Variants in DHX9 observed in about 807,000 individuals in gnomAD.
The protein encoded by DHX9 is DExH-box helicase 9.
A neutral mutation model predicts 148.7 loss-of-function variants in DHX9; 27 were observed. The ratio of observed to expected loss-of-function variants is 0.18; its 90% confidence interval spans 0.13 to 0.25. DHX9 has a LOEUF of 0.25. DHX9 is among the 10% of genes least tolerant of loss of function. The probability of loss-of-function intolerance (pLI) is 1.00; values close to 1 mark genes in which losing one functional copy is unlikely to be tolerated. For missense variants in DHX9, 796 were observed against 1,559.6 expected (o/e 0.51, Z 8.25); for synonymous variants, 529 against 516.6 (o/e 1.02, Z -0.33).
At chr1:182,857,532 A>G (rs1227944016) in intron 7 of DHX9, among the ~76,000 whole-genome samples, 1 of 152,108 alleles carries the variant, frequency 6.6e-6, no homozygotes, top group Non-Finnish European at 1.5e-5. Flanking sequence ...TGTTATTCTC[A>G]TTTTATTTTT....
chr1:182,839,727 T>TTCC (rs901722953), intron 1 of DHX9: 3 of 150,630 alleles, frequency 2.0e-5, no homozygotes, highest in Admixed American at 6.6e-5. Context: ...CAAAGCGCGC[T>TTCC]TCCTCCTCTG....
intron 21 of DHX9, among the ~76,000 whole-genome samples, chr1:182,879,970 C>A (rs1335428043): frequency 6.6e-6 from 1 of 152,162 alleles, no homozygotes; most frequent in South Asian, 2.1e-4. Flanking sequence ...GTGATCCACT[C>A]ACCTCAGCCT....
intron 1 of DHX9, among the ~76,000 whole-genome samples, chr1:182,840,327 GTC>G (rs917294705): frequency 5.4e-5 from 7 of 128,454 alleles, no homozygotes; most frequent in African/African-American, 2.0e-4. Flanking sequence ...TTTTGCAAGA[GTC>G]TCGCTCTGTC....
rs1667950968 is a variant in DHX9 at position 182,842,506 on chromosome 1, A to G, written c.-22-39A>G. On this transcript the variant is annotated intron_variant, in intron 1 of 27. Coordinates refer to ENST00000367549, the MANE Select transcript of DHX9 (RefSeq NM_001357.5). ...TAATTGGTTCCTCCCAGTTTTTGCT[A>G]TTATAAATGCTGTTTTTAACTGACT... 13 of 1,233,770 alleles carry G rather than the reference A, an allele frequency of 1.1e-5. No homozygotes were observed. The South Asian group carries it at 1.7e-4, about 16-fold the overall frequency. The allele number at this position is 1,233,770 out of a possible 1,614,324, so 76.4% of individuals were successfully genotyped here.
At chr1:182,882,883 A>T (rs1023329933) in intron 24 of DHX9, among the ~76,000 whole-genome samples, 2 of 151,696 alleles carry the variant, frequency 1.3e-5, no homozygotes, top group Non-Finnish European at 2.9e-5. Flanking sequence ...AAAAAAAAGT[A>T]ATCACCCCAA....
intron 16 of DHX9, among the ~76,000 whole-genome samples, chr1:182,875,618 C>A (rs909433835): frequency 6.6e-6 from 1 of 152,090 alleles, no homozygotes; most frequent in Non-Finnish European, 1.5e-5. Flanking sequence ...AAGATTATAT[C>A]TTTTTAATCA....
chr1:182,853,377 A>G lies in DHX9; in HGVS notation c.436A>G (p.Lys146Glu). 1 of 1,614,034 alleles carries G rather than the reference A, an allele frequency of 6.2e-7. No homozygotes were observed. The highest frequency in any genetic ancestry group is 8.5e-7 in the Non-Finnish European group (1 of 1,179,986). Reference protein sequence around the residue: ...GPTWDRGANLKDYYSRKEEQE... With the variant: ...GPTWDRGANLEDYYSRKEEQE... ...CACCTGGGACCGAGGAGCCAACTTGAAGGATTACTACTCAAGAAAGGAAGA... is the reference window on the plus strand; with the variant it reads ...CACCTGGGACCGAGGAGCCAACTTGGAGGATTACTACTCAAGAAAGGAAGA... Residue 146 changes from lysine to glutamate, a missense_variant, in exon 5 of 28, where the codon AAG (lysine) becomes GAG (glutamate). By Grantham distance (56) the Lys-to-Glu change is moderately conservative. Coordinates refer to ENST00000367549, the MANE Select transcript of DHX9 (RefSeq NM_001357.5).
intron 1 of DHX9, among the ~76,000 whole-genome samples, chr1:182,840,360 C>T (rs1464275999): frequency 1.5e-5 from 2 of 132,426 alleles, no homozygotes; most frequent in African/African-American, 6.1e-5. Flanking sequence ...AGTGCAGTGG[C>T]GCGATGGCGG....
At chr1:182,843,231 C>T (rs958706247) in intron 2 of DHX9, 63 bp from the exon 3 acceptor site, 70 of 1,370,792 alleles carry the variant, frequency 5.1e-5, no homozygotes, top group Non-Finnish European at 6.4e-5. Flanking sequence ...TACTGAATTA[C>T]GACTTTTTAA....
At chr1:182,841,751 T>C (rs1279283851) in intron 1 of DHX9, among the ~76,000 whole-genome samples, 1 of 152,226 alleles carries the variant, frequency 6.6e-6, no homozygotes, top group Admixed American at 6.5e-5. Flanking sequence ...TGGTCTCATA[T>C]CTTGCTTACA....
rs367629488 is a variant in DHX9, at chr1:182,876,154, A to G, written c.1920A>G (p.Leu640=). 1.8e-5 allele frequency: 29 copies of G among 1,613,868 alleles called. No homozygotes were observed. Among genetic ancestry groups the G allele is most frequent in the Non-Finnish European group, 2.5e-5 (29 of 1,179,906 alleles). Residue 640 remains leucine (L), a synonymous_variant, in exon 17 of 28, where the codon CTA becomes CTG. Transcript: ENST00000367549. ...KETPFELIEA[L]LKYIETLNVP... ...CTCCTTTTGAACTCATCGAGGCTCT[A>G]CTTAAGTACATTGAAACCCTTAATG...
Position 182,887,196 on chromosome 1 carries a change from G to A in DHX9, c.3575G>A (p.Gly1192Glu). Residue 1192 changes from glycine to glutamate, a missense_variant, in exon 28 of 28, where the codon GGA becomes GAA. Physicochemically the swap from Gly to Glu is moderately conservative, Grantham distance 98 (BLOSUM62 -2). Transcript: ENST00000367549. The stretch of plus-strand genomic sequence containing the variant: ...GGCTATGGCGGTGGCTATAGCAGTG[G>A]AGGCTATGGTAGCGGAGGCTATGGT... ...GGGYGGGYSS[G>E]GYGSGGYGGS... is the part of the protein sequence containing the mutation. 1.9e-6 allele frequency: 3 copies of A among 1,607,890 alleles called. No homozygotes were observed. Among genetic ancestry groups the A allele is most frequent in the Non-Finnish European group, 2.6e-6 (3 of 1,174,394 alleles).
At chr1:182,884,492 TTAATA>T in intron 26 of DHX9, 116 bp from the exon 27 acceptor site, 9 of 891,022 alleles carry the variant, frequency 1.0e-5, no homozygotes, top group Non-Finnish European at 1.5e-5. Context: ...GTTTTTTTTT[TTAATA>T]TTAATGCTTA....
At chr1:182,866,161 C>A (rs912904128) in intron 12 of DHX9, among the ~76,000 whole-genome samples, 1 of 152,120 alleles carries the variant, frequency 6.6e-6, no homozygotes, top group Non-Finnish European at 1.5e-5. Flanking sequence ...AAAAACAAAC[C>A]CCCCTACGTA....
chr1:182,856,030 T>C (rs1243343494), intron 6 of DHX9, among the ~76,000 whole-genome samples: 1 of 152,260 alleles, frequency 6.6e-6, no homozygotes, highest in Non-Finnish European at 1.5e-5. Context: ...GTGAGAACTC[T>C]GCCTCAGGAG....
At chr1:182,853,247 T>C (rs1055669277) in intron 4 of DHX9, 59 bp from the exon 5 acceptor site, 3 of 1,184,136 alleles carry the variant, frequency 2.5e-6, no homozygotes, top group Admixed American at 4.1e-5. Context: ...AATTCTTTAA[T>C]GTATTTAGGA....
intron 21 of DHX9, 40 bp downstream of exon 21, chr1:182,879,450 C>A (rs372521504): frequency 7.2e-7 from 1 of 1,394,966 alleles, no homozygotes; most frequent in Middle Eastern, 1.9e-4. Flanking sequence ...AGATATTAAT[C>A]ATACCATCTG....
intron 8 of DHX9, 86 bp downstream of exon 8, chr1:182,858,326 T>C (rs1473798637): frequency 6.8e-7 from 1 of 1,464,798 alleles, no homozygotes; most frequent in South Asian, 1.3e-5. Flanking sequence ...AAGTTTAATT[T>C]TAAGAATCTT....
At chr1:182,849,277 G>A (rs1221221578) in intron 3 of DHX9, among the ~76,000 whole-genome samples, 2 of 152,072 alleles carry the variant, frequency 1.3e-5, no homozygotes, top group Non-Finnish European at 2.9e-5. Context: ...CCATGTTTCC[G>A]TCATCTGGCT....
Sources: allele counts gnomAD v4.1 joint callset (sites outside exome capture counted in the v4.1 genomes callset), GRCh38; gene constraint gnomAD v4.1.1; transcripts MANE v1.5; gene names NCBI Gene and HGNC (gene_info 2026-07-23, HGNC 2026-07-21).